Variants in TLN2 observed in about 807,000 individuals in gnomAD.
TLN2 encodes talin-2.
A neutral mutation model predicts 294.7 loss-of-function variants in TLN2; 118 were observed. That is an observed-to-expected ratio of 0.40 (90% CI 0.34 to 0.47). The LOEUF (loss-of-function observed/expected upper bound fraction) is 0.47. Among genes scored for constraint, TLN2 ranks in the 20% least tolerant of loss-of-function variants. The pLI is 0.84. For synonymous variants in TLN2, 1,431 were observed against 1,304.5 expected, an observed-to-expected ratio of 1.10 and a Z score of -2.09; for missense variants, 3,083 against 3,282.2, an observed-to-expected ratio of 0.94 and a Z score of 1.48.
At chr15:62,752,619 G>A (rs1206194744) in intron 35 of TLN2, among the ~76,000 whole-genome samples, 192 bp downstream of exon 35, 1 of 152,190 alleles carries the variant, frequency 6.6e-6, no homozygotes, top group African/African-American at 2.4e-5. Context: ...GCAGCCATGG[G>A]CCAGGCTGGG....
Position 62,840,689 on chromosome 15 carries a change from C to G in TLN2, c.*79C>G. On this transcript the variant is annotated 3_prime_UTR_variant, in exon 59 of 59. Transcript: ENST00000636159. ...GACAGTGTTCCTGAGAGGCTGGGCA[C>G]TTAGCTGGAAACCGCCCACCTCCCT... 3 of 1,537,348 alleles carry G rather than the reference C, an allele frequency of 2.0e-6. No individual in the cohort carries two copies. Among genetic ancestry groups the G allele is most frequent in the South Asian group, 2.5e-5 (2 of 78,500 alleles).
At chr15:62,594,551 A>G (rs368374525) in intron 2 of TLN2, among the ~76,000 whole-genome samples, 6 of 152,236 alleles carry the variant, frequency 3.9e-5, no homozygotes, top group African/African-American at 1.4e-4. Flanking sequence ...AGAACACACA[A>G]TGGGGAAAGG....
At chr15:62,602,397 G>A (rs2047077127) in intron 2 of TLN2, among the ~76,000 whole-genome samples, 1 of 152,088 alleles carries the variant, frequency 6.6e-6, no homozygotes, top group Non-Finnish European at 1.5e-5. Flanking sequence ...ACATAGTTAA[G>A]TTCATTGGTT....
intron 1 of TLN2, among the ~76,000 whole-genome samples, chr15:62,582,245 C>CACACACACACACACACAT (rs1567138973): frequency 6.9e-6 from 1 of 144,790 alleles, no homozygotes; most frequent in African/African-American, 2.5e-5. Flanking sequence ...CACACACACA[C>CACACACACACACACACAT]ACATTCATGC....
At chr15:62,464,316 C>T (rs532063989) in intron 1 of TLN2, among the ~76,000 whole-genome samples, 7 of 152,226 alleles carry the variant, frequency 4.6e-5, no homozygotes, top group African/African-American at 7.2e-5. Context: ...AGCAAACTAT[C>T]GCAAGGACAG....
intron 45 of TLN2, among the ~76,000 whole-genome samples, chr15:62,785,450 T>G (rs1595985134): frequency 6.6e-6 from 1 of 152,110 alleles, no homozygotes; most frequent in East Asian, 1.9e-4. Flanking sequence ...TCACTTGAGG[T>G]TAGGAGTTCA....
At chr15:62,569,536 C>G (rs1441421966) in intron 1 of TLN2, among the ~76,000 whole-genome samples, 1 of 152,238 alleles carries the variant, frequency 6.6e-6, no homozygotes, top group Non-Finnish European at 1.5e-5. Flanking sequence ...CTCAGGCACA[C>G]TCTGCTACCC....
chr15:62,416,546 G>A (rs148362167), intron 1 of TLN2, among the ~76,000 whole-genome samples: 97 of 152,284 alleles, frequency 6.4e-4, no homozygotes, highest in African/African-American at 2.2e-3. Flanking sequence ...TAAATTTGCC[G>A]TATCTTTGAG....
At chr15:62,533,121 G>A (rs948719579) in intron 1 of TLN2, among the ~76,000 whole-genome samples, 1 of 151,850 alleles carries the variant, frequency 6.6e-6, no homozygotes, top group African/African-American at 2.4e-5. Flanking sequence ...AGGTGTGGTG[G>A]TGGGCACCTG....
At chr15:62,491,389 C>T (rs2038718420) in intron 1 of TLN2, among the ~76,000 whole-genome samples, 1 of 117,102 alleles carries the variant, frequency 8.5e-6, no homozygotes, top group East Asian at 3.7e-4. Context: ...CACACACACA[C>T]ACACACATTT....
intron 4 of TLN2, among the ~76,000 whole-genome samples, chr15:62,647,752 A>G (rs2052061496): frequency 6.6e-6 from 1 of 152,154 alleles, no homozygotes; most frequent in Admixed American, 6.5e-5. Context: ...GAAAGTGCAA[A>G]TGAAGCTGCC....
At chr15:62,574,193 G>A (rs932368511) in intron 1 of TLN2, among the ~76,000 whole-genome samples, 1 of 151,410 alleles carries the variant, frequency 6.6e-6, no homozygotes, top group African/African-American at 2.4e-5. Flanking sequence ...TTGTCTCTTA[G>A]GATGCTTTGT....
At chr15:62,738,696 A>G (rs2140962436) in intron 30 of TLN2, among the ~76,000 whole-genome samples, 1 of 152,158 alleles carries the variant, frequency 6.6e-6, no homozygotes, top group South Asian at 2.1e-4. Flanking sequence ...AGTCTGAGGA[A>G]TTTCACCTTG....
At position 62,465,975 on chromosome 15, in the gene TLN2, G is replaced by T. The variant is rs552614281; in HGVS notation, c.-238+75290G>T. Among the ~76,000 whole-genome samples, 308 of 152,280 alleles carry T rather than the reference G, an allele frequency of 2.0e-3. 3 individuals are homozygous for T. Among genetic ancestry groups the T allele is most frequent in the Non-Finnish European group, 3.2e-3 (219 of 68,016 alleles). ...TCATTCCTGTGGAGTAGGAGGTCGC[G>T]AGGGACTGGCGTGGTGGCTGGTGAT... On this transcript the variant is annotated intron_variant, in intron 1 of 58. Transcript: ENST00000636159.
At chr15:62,486,810 GT>G (rs1364205522) in intron 1 of TLN2, among the ~76,000 whole-genome samples, 8,126 of 140,960 alleles carry the variant, frequency 0.058, 258 homozygotes, top group Non-Finnish European at 0.077. Flanking sequence ...GGTTTGCAAG[GT>G]TTTTTTTTTT....
intron 1 of TLN2, among the ~76,000 whole-genome samples, chr15:62,563,161 G>A (rs1272091386): frequency 2.0e-5 from 3 of 152,102 alleles, no homozygotes; most frequent in African/African-American, 7.2e-5. Flanking sequence ...GTTCTTTAGG[G>A]AATCTCCATC....
chr15:62,719,534 C>T (rs1201059432), intron 24 of TLN2, among the ~76,000 whole-genome samples: 2 of 152,194 alleles, frequency 1.3e-5, no homozygotes, highest in African/African-American at 4.8e-5. Flanking sequence ...AGGAATGTAT[C>T]GAGACTTCCA....
At chr15:62,453,609 C>T (rs1255256748) in intron 1 of TLN2, 3 of 152,206 alleles carry the variant, frequency 2.0e-5, no homozygotes, top group African/African-American at 7.2e-5. Context: ...AAACTTGGTT[C>T]TAAGTTTCCC....
chr15:62,431,616 T>C (rs1023853829), intron 1 of TLN2, among the ~76,000 whole-genome samples: 2 of 152,210 alleles, frequency 1.3e-5, no homozygotes, highest in Non-Finnish European at 2.9e-5. Context: ...AAGTGGCTTG[T>C]TTGATTTGGT....
Sources: gnomAD v4.1 joint callset for allele counts (sites outside exome capture counted in the v4.1 genomes callset) on GRCh38, gnomAD v4.1.1 for gene constraint, MANE v1.5 for transcripts, NCBI Gene and HGNC (gene_info 2026-07-23, HGNC 2026-07-21) for gene names.